STON2: variants seen among roughly 807,000 people sequenced by gnomAD.
STON2 encodes stonin 2, also known as stonin-2.
STON2 carries 29 observed loss-of-function variants against 65.7 expected under a neutral mutation model. The observed-to-expected ratio is 0.44, with a 90% CI of 0.33 to 0.60. STON2 has a LOEUF of 0.60. STON2 is among the 20% of genes least tolerant of loss of function. The pLI is 0.03. For missense variants in STON2, 1,054 were observed against 1,118.1 expected, an observed-to-expected ratio of 0.94 and a Z score of 0.82; for synonymous variants, 404 against 414.2, an observed-to-expected ratio of 0.98 and a Z score of 0.30.
At chr14:81,308,836 G>GTA (rs60718938) in intron 5 of STON2, among the ~76,000 whole-genome samples, 32 of 8,192 alleles carry the variant, frequency 3.9e-3, no homozygotes, top group South Asian at 0.038. Flanking sequence ...GTGTGTGTGT[G>GTA]TATATATATA....
chr14:81,366,512 T>C (rs549273503), intron 4 of STON2, among the ~76,000 whole-genome samples: 3 of 152,028 alleles, frequency 2.0e-5, no homozygotes, highest in Non-Finnish European at 4.4e-5. Flanking sequence ...CGGATGAGAC[T>C]GCAGTTCCAA....
chr14:81,319,212 A>C (rs1290094941), intron 5 of STON2, among the ~76,000 whole-genome samples: 1 of 152,246 alleles, frequency 6.6e-6, no homozygotes, highest in African/African-American at 2.4e-5. Flanking sequence ...CATTATTGTA[A>C]GCAACAACTG....
At chr14:81,283,687 C>T (rs972988979) in intron 5 of STON2, among the ~76,000 whole-genome samples, 5 of 152,076 alleles carry the variant, frequency 3.3e-5, no homozygotes, top group African/African-American at 7.2e-5. Context: ...CCTGCCACCA[C>T]GCCCGGCTAA....
chr14:81,335,302 A>C (rs1897330888), intron 4 of STON2, among the ~76,000 whole-genome samples: 1 of 152,216 alleles, frequency 6.6e-6, no homozygotes, highest in Non-Finnish European at 1.5e-5. Flanking sequence ...AAAGATGAGA[A>C]AGAACTAGAA....
chr14:81,329,183 C>A (rs761980377), intron 4 of STON2, among the ~76,000 whole-genome samples: 1 of 152,044 alleles, frequency 6.6e-6, no homozygotes, highest in Non-Finnish European at 1.5e-5. Context: ...TGGCCGGGCG[C>A]GGTGGCTCAC....
chr14:81,403,182 T>C (rs769888674), upstream of STON2, among the ~76,000 whole-genome samples: 1 of 152,234 alleles, frequency 6.6e-6, no homozygotes, highest in African/African-American at 2.4e-5. Context: ...CTTGTTCATA[T>C]ATTAATACAT....
intron 3 of STON2, among the ~76,000 whole-genome samples, chr14:81,387,698 G>A (rs187770823): frequency 6.6e-6 from 1 of 151,704 alleles, no homozygotes; most frequent in Non-Finnish European, 1.5e-5. Flanking sequence ...TTCAAGACCA[G>A]TCTGGCCAAC....
chr14:81,314,580 C>A (rs1896552347), intron 5 of STON2, among the ~76,000 whole-genome samples: 2 of 152,178 alleles, frequency 1.3e-5, no homozygotes, highest in Non-Finnish European at 2.9e-5. Flanking sequence ...TCCATCAATC[C>A]AAAGTGACAG....
rs1898951454 is a variant in STON2 at position 81,370,860 on chromosome 14, T to C, written c.571+128A>G. The C allele has an allele frequency of 4.8e-6, 4 of 828,596 alleles. No individual in the cohort carries two copies. The South Asian group carries it at 6.9e-5, about 14-fold the overall frequency. The allele number at this position is 828,596 out of a possible 1,614,324, so 51.3% of individuals were successfully genotyped here. A position where few individuals can be genotyped will look rare whatever the true frequency, so the allele number is the denominator to read the frequency against. ...CCACTTTGGGTTCTAGCTTTTTGACTGGATAACAACACCTGAACTCATTCT... is the reference window on the plus strand; with the variant it reads ...CCACTTTGGGTTCTAGCTTTTTGACCGGATAACAACACCTGAACTCATTCT... On this transcript the variant is annotated intron_variant, in intron 4 of 7. Coordinates refer to ENST00000614646, the MANE Select transcript of STON2 (RefSeq NM_001394390.1).
chr14:81,283,311 A>G (rs551032491), intron 5 of STON2, among the ~76,000 whole-genome samples: 2 of 152,334 alleles, frequency 1.3e-5, no homozygotes, highest in African/African-American at 4.8e-5. Flanking sequence ...AATTGTCTAC[A>G]TTTTGAACAT....
chr14:81,407,033 C>G (rs2371597), intron 2 of STON2, among the ~76,000 whole-genome samples: 108,523 of 152,092 alleles, frequency 0.71, 39,339 homozygotes, highest in African/African-American at 0.84. Flanking sequence ...ACTGCAGTCA[C>G]GAAACTCTTC....
intron 5 of STON2, among the ~76,000 whole-genome samples, chr14:81,292,234 G>A (rs1179275460): frequency 1.3e-5 from 2 of 152,192 alleles, no homozygotes; most frequent in African/African-American, 2.4e-5. Flanking sequence ...AACTGCTGGA[G>A]TTGCTGCCAG....
Position 81,278,113 on chromosome 14 carries a change from T to C in STON2, c.1369A>G (p.Thr457Ala), listed in dbSNP as rs767629136. ...GCTACTGGGTCATCATCAGGTAGAG[T>C]TGCACTGCCAAAGTGATCAGGGTCA... ...IDDPDHFGSA[T>A]LPDDDPVAWI... The change falls in exon 6 of 8, where the codon ACT becomes GCT. Residue 457 changes from threonine (T) to alanine (A), a missense_variant. Thr to Ala is a moderately conservative substitution (Grantham distance 58). Coordinates refer to ENST00000614646, the MANE Select transcript of STON2 (RefSeq NM_001394390.1). The C allele has an allele frequency of 1.5e-5, 24 of 1,613,940 alleles. No homozygotes were observed. Among genetic ancestry groups the C allele is most frequent in the East Asian group, 8.9e-5 (4 of 44,876 alleles).
chr14:81,262,624 T>C lies in STON2; in HGVS notation c.*5790A>G. 2.0e-6 allele frequency: 2 copies of C among 985,398 alleles called. No homozygotes were observed. Among genetic ancestry groups the C allele is most frequent in the Non-Finnish European group, 2.4e-6 (2 of 829,890 alleles). 61.0% of individuals were successfully genotyped at this position (985,398 alleles called of 1,614,324 possible). On this transcript the variant is annotated 3_prime_UTR_variant, in exon 8 of 8. Coordinates refer to ENST00000614646, the MANE Select transcript of STON2 (RefSeq NM_001394390.1). ...GTTACATCCAATGATCATTTGCCTC[T>C]CTCCAGGCACTACCAAACTCATTAC...
chr14:81,341,172 T>C (rs1897593691), intron 4 of STON2, among the ~76,000 whole-genome samples: 1 of 152,126 alleles, frequency 6.6e-6, no homozygotes, highest in Non-Finnish European at 1.5e-5. Context: ...CAAATGTCTG[T>C]ATCTGATTTT....
At chr14:81,404,675 A>T (rs1001943420), upstream of STON2, among the ~76,000 whole-genome samples, 4 of 151,906 alleles carry the variant, frequency 2.6e-5, no homozygotes, top group Admixed American at 1.3e-4. Flanking sequence ...ACCTAATTTT[A>T]AAAAATGTTT....
chr14:81,429,893 C>T (rs1311251459), intron 1 of STON2, among the ~76,000 whole-genome samples: 1 of 151,814 alleles, frequency 6.6e-6, no homozygotes, highest in East Asian at 1.9e-4. Context: ...TGAGATCGCG[C>T]CACTGCACTC....
intron 5 of STON2, among the ~76,000 whole-genome samples, chr14:81,286,392 T>G (rs2140143479): frequency 6.6e-6 from 1 of 152,258 alleles, no homozygotes; most frequent in East Asian, 1.9e-4. Context: ...TCACGGCCAT[T>G]CCAACCCTCA....
At chr14:81,369,869 A>G (rs1357520414) in intron 4 of STON2, among the ~76,000 whole-genome samples, 1 of 152,202 alleles carries the variant, frequency 6.6e-6, no homozygotes, top group Non-Finnish European at 1.5e-5. Context: ...GCTCGCATCC[A>G]TGAGATGCCC....
Sources: allele counts gnomAD v4.1 joint callset (sites outside exome capture counted in the v4.1 genomes callset), GRCh38; gene constraint gnomAD v4.1.1; transcripts MANE v1.5; gene names NCBI Gene and HGNC (gene_info 2026-07-23, HGNC 2026-07-21).